Variants in DYSF observed in about 807,000 individuals in gnomAD.
DYSF encodes the protein dysferlin.
A neutral mutation model predicts 274.9 loss-of-function variants in DYSF; 212 were observed. That is an observed-to-expected ratio of 0.77 (90% confidence interval 0.69 to 0.86). DYSF has a LOEUF of 0.86. DYSF is among the 40% of genes least tolerant of loss of function. The pLI, the probability that DYSF is intolerant of heterozygous loss-of-function variation, is 0.00. For synonymous variants in DYSF, 1,091 were observed against 1,078.7 expected, an observed-to-expected ratio of 1.01 and a Z score of -0.22; for missense variants, 2,666 against 2,783.2, an observed-to-expected ratio of 0.96 and a Z score of 0.95.
At chr2:71,662,484 GTATT>G (rs752893071) in intron 45 of DYSF, among the ~76,000 whole-genome samples, 8 of 148,248 alleles carry the variant, frequency 5.4e-5, no homozygotes, top group East Asian at 4.1e-4. Context: ...GCGTGTGTAT[GTATT>G]TGTGTGTATG....
chr2:71,669,029 T>TGCTTCTTG (rs1444938298), intron 49 of DYSF, 83 bp from the exon 50 acceptor site: 8 of 1,369,748 alleles, frequency 5.8e-6, no homozygotes, highest in African/African-American at 1.4e-5. Flanking sequence ...TGGACCAGTC[T>TGCTTCTTG]GCTTCTTGGC....
intron 1 of DYSF, among the ~76,000 whole-genome samples, chr2:71,479,981 A>G (rs778280277): frequency 6.6e-6 from 1 of 152,226 alleles, no homozygotes; most frequent in African/African-American, 2.4e-5. Context: ...TTAGGTTGCA[A>G]TATTGTGCAA....
chr2:71,494,665 G>A lies in DYSF; in HGVS notation c.240-8549G>A, dbSNP rs958059783. Among the ~76,000 whole-genome samples the A allele has an allele frequency of 6.6e-5, 10 of 152,324 alleles. 1 individual carries two copies. The highest frequency in any genetic ancestry group is 8.8e-5 in the Non-Finnish European group (6 of 68,028). On this transcript the variant is annotated intron_variant, in intron 3 of 55. Coordinates refer to ENST00000410020, the MANE Select transcript of DYSF (RefSeq NM_001130987.2). ...ACGCATTGATCCCTACCTGTGCCTA[G>A]CACTGTGCCTTGGTGACTCATGCCT...
chr2:71,470,358 A>C (rs1470575604), intron 1 of DYSF, among the ~76,000 whole-genome samples: 1 of 152,024 alleles, frequency 6.6e-6, no homozygotes, highest in East Asian at 1.9e-4. Flanking sequence ...AGCTGTTTAC[A>C]TATTACAAAT....
At chr2:71,491,358 C>T (rs141975391) in intron 3 of DYSF, among the ~76,000 whole-genome samples, 184 of 152,368 alleles carry the variant, frequency 1.2e-3, no homozygotes, top group African/African-American at 4.2e-3. Context: ...GTCAGTTGCA[C>T]TCACATGGCA....
intron 30 of DYSF, among the ~76,000 whole-genome samples, chr2:71,585,099 A>T (rs2093022271): frequency 6.6e-6 from 1 of 152,240 alleles, no homozygotes; most frequent in South Asian, 2.1e-4. Flanking sequence ...GACATTGGGC[A>T]ATGTCTGGAG....
intron 1 of DYSF, among the ~76,000 whole-genome samples, chr2:71,470,801 T>C (rs2081978941): frequency 6.7e-6 from 1 of 148,352 alleles, no homozygotes; most frequent in Non-Finnish European, 1.5e-5. Context: ...TCCTTCTTTT[T>C]TTTTTTTGAA....
chr2:71,677,890 A>G (rs2095246353), intron 52 of DYSF, among the ~76,000 whole-genome samples: 4 of 152,360 alleles, frequency 2.6e-5, no homozygotes, highest in Admixed American at 2.6e-4. Flanking sequence ...TTTGTGTGCT[A>G]ACGTTCACTG....
intron 1 of DYSF, among the ~76,000 whole-genome samples, chr2:71,477,147 G>T (rs2082457401): frequency 6.6e-6 from 1 of 152,060 alleles, no homozygotes. Flanking sequence ...TGATCAATAG[G>T]AATTTTATTA....
At chr2:71,667,610 C>T in intron 48 of DYSF, 95 bp downstream of exon 48, 2 of 1,557,682 alleles carry the variant, frequency 1.3e-6, no homozygotes. Flanking sequence ...CAGTGGGTCC[C>T]TTGAGATTTG....
chr2:71,669,551 A>G (rs1430434123), intron 50 of DYSF, 54 bp from the exon 51 acceptor site: 19 of 1,609,570 alleles, frequency 1.2e-5, no homozygotes, highest in Admixed American at 3.3e-5. Context: ...GACGATGTAT[A>G]TACTGTGTTG....
chr2:71,513,640 C>CT (rs2086336412), intron 6 of DYSF, 76 bp from the exon 7 acceptor site: 1 of 1,508,144 alleles, frequency 6.6e-7, no homozygotes. Context: ...CTTCTGCCCC[C>CT]TGGGCTGGGT....
chr2:71,649,831 T>G (rs553057464), intron 42 of DYSF, among the ~76,000 whole-genome samples: 41 of 152,178 alleles, frequency 2.7e-4, no homozygotes, highest in Non-Finnish European at 5.3e-4. Context: ...TTAAATCAGA[T>G]CTCAGAGCAA....
At chr2:71,526,186 C>G in intron 12 of DYSF, 34 bp from the exon 13 acceptor site, 1 of 1,614,124 alleles carries the variant, frequency 6.2e-7, no homozygotes, top group Non-Finnish European at 8.5e-7. Context: ...TGCTCAGGAG[C>G]GCATGAAGGA....
At chr2:71,495,316 G>A (rs1279888061) in intron 3 of DYSF, among the ~76,000 whole-genome samples, 1 of 152,210 alleles carries the variant, frequency 6.6e-6, no homozygotes, top group African/African-American at 2.4e-5. Context: ...TATGTCATGT[G>A]TGCCCAGCCA....
chr2:71,668,729 G>T (rs1056833707), intron 48 of DYSF, 25 bp from the exon 49 acceptor site: 2 of 1,608,948 alleles, frequency 1.2e-6, no homozygotes, highest in African/African-American at 2.7e-5. Flanking sequence ...GAAGGGTGGG[G>T]AGAGAACGGA....
At position 71,667,467 on chromosome 2, in the gene DYSF, C is replaced by T. The variant is rs375787986; in HGVS notation, c.5409C>T (p.His1803=). Reference sequence around the variant, plus strand: ...AGCAGCAGGGCCTGGTCCCGGAGCACGTGGAGTCACGGCCCCTCTACAGCC... The same window carrying T: ...AGCAGCAGGGCCTGGTCCCGGAGCATGTGGAGTCACGGCCCCTCTACAGCC... The part of the protein sequence containing the change: ...VLQQQGLVPE[H]VESRPLYSPL... The change falls in exon 48 of 56, where the codon CAC becomes CAT. Residue 1803 remains histidine (H), a synonymous_variant. Coordinates refer to ENST00000410020, the MANE Select transcript of DYSF (RefSeq NM_001130987.2). 3.2e-5 allele frequency: 51 copies of T among 1,614,022 alleles called. No individual in the cohort carries two copies. Among genetic ancestry groups the T allele is most frequent in the South Asian group, 9.9e-5 (9 of 91,086 alleles).
chr2:71,456,091 C>T (rs1354178219), intron 1 of DYSF, among the ~76,000 whole-genome samples: 1 of 152,146 alleles, frequency 6.6e-6, no homozygotes, highest in Non-Finnish European at 1.5e-5. Flanking sequence ...CTCCCATTTA[C>T]ACATCCCTGG....
At chr2:71,570,177 C>T in intron 27 of DYSF, 52 bp from the exon 28 acceptor site, 1 of 1,523,758 alleles carries the variant, frequency 6.6e-7, no homozygotes, top group Non-Finnish European at 9.1e-7. Flanking sequence ...TGCCTCCCTG[C>T]TCACATCTGT....
Sources: allele counts gnomAD v4.1 joint callset (sites outside exome capture counted in the v4.1 genomes callset), GRCh38; gene constraint gnomAD v4.1.1; transcripts MANE v1.5; gene names NCBI Gene and HGNC (gene_info 2026-07-23, HGNC 2026-07-21).